The following ZNF577 variants were observed in gnomAD, a reference collection of about 807,000 sequenced individuals.
ZNF577 encodes the protein zinc finger protein 577.
ZNF577 carries 14 observed loss-of-function variants against 13.9 expected under a neutral mutation model. The ratio of observed to expected loss-of-function variants is 1.00; its 90% confidence interval spans 0.66 to 1.57. ZNF577 has a LOEUF of 1.57. Ranked by LOEUF, ZNF577 falls within the 40% of genes most tolerant of loss-of-function variation. The pLI, the probability that ZNF577 is intolerant of heterozygous loss-of-function variation, is 0.00. For missense variants in ZNF577, 555 were observed against 579.2 expected (o/e 0.96, Z 0.43); for synonymous variants, 203 against 202.9 (o/e 1.00, Z 0.00).
intron 10 of ZNF577, among the ~76,000 whole-genome samples, chr19:51,805,530 A>G (rs1025894226): frequency 6.6e-6 from 1 of 152,224 alleles, no homozygotes; most frequent in Non-Finnish European, 1.5e-5. Flanking sequence ...GTTATATTCT[A>G]AGTTGGTTAC....
chr19:51,879,262 G>GA (rs550021860), intron 3 of ZNF577, among the ~76,000 whole-genome samples: 194 of 133,576 alleles, frequency 1.5e-3, no homozygotes, highest in Admixed American at 3.7e-3. Context: ...GTCTCAAGAG[G>GA]AAAAAAAAAA....
intron 10 of ZNF577, among the ~76,000 whole-genome samples, chr19:51,807,611 G>A (rs1252192413): frequency 6.6e-6 from 1 of 152,214 alleles, no homozygotes. Context: ...ATGGCAGCAT[G>A]ACCTTTGGAA....
At chr19:51,826,675 TGATGCTGGCCACATG>T (rs1224143898) in intron 9 of ZNF577, among the ~76,000 whole-genome samples, 1 of 152,198 alleles carries the variant, frequency 6.6e-6, no homozygotes, top group Non-Finnish European at 1.5e-5. Context: ...GCAGTAAACA[TGATGCTGGCCACATG>T]GATGAACTGG....
At chr19:51,851,335 A>G (rs1190369681) in intron 5 of ZNF577, among the ~76,000 whole-genome samples, 4 of 152,214 alleles carry the variant, frequency 2.6e-5, no homozygotes, top group Non-Finnish European at 5.9e-5. Flanking sequence ...CACACAGCCA[A>G]TGAGTAGCAG....
Position 51,873,129 on chromosome 19 carries a change from T to C in ZNF577, c.861A>G (p.Ala287=). The change falls in exon 6 of 6, where the codon GCA becomes GCG. Residue 287 remains alanine (A), a synonymous_variant. Transcript: ENST00000638348. ...KAFSQKAYLT[A]HQRLHTGDKP... ...TATCTCCTGTGTGAAGTCTCTGGTG[T>C]GCAGTGAGGTATGCCTTCTGAGAAA... is the stretch of plus-strand genomic sequence containing the variant. 6.2e-7 allele frequency: 1 copy of C among 1,614,142 alleles called. No homozygotes were observed. Among genetic ancestry groups the C allele is most frequent in the Non-Finnish European group, 8.5e-7 (1 of 1,180,028 alleles).
At chr19:51,883,751 A>T (rs1012306156) in intron 1 of ZNF577, among the ~76,000 whole-genome samples, 1 of 152,286 alleles carries the variant, frequency 6.6e-6, no homozygotes, top group Admixed American at 6.5e-5. Context: ...ATCAGAAAAA[A>T]ACTGAATGTG....
At chr19:51,873,964 G>A (rs1026622612) in intron 5 of ZNF577, among the ~76,000 whole-genome samples, 3 of 152,158 alleles carry the variant, frequency 2.0e-5, no homozygotes, top group Non-Finnish European at 4.4e-5. Flanking sequence ...AAAATGCCAT[G>A]GTTTTGGCTG....
chr19:51,879,501 A>G (rs113819549), intron 3 of ZNF577, among the ~76,000 whole-genome samples: 33,795 of 151,910 alleles, frequency 0.22, 4,550 homozygotes, highest in South Asian at 0.41. Context: ...CCCAGGAGGC[A>G]GAGGTTGCAG....
intron 9 of ZNF577, among the ~76,000 whole-genome samples, chr19:51,834,245 T>TTTTA (rs895490596): frequency 7.2e-5 from 11 of 152,156 alleles, no homozygotes; most frequent in African/African-American, 2.7e-4. Flanking sequence ...GCCACACTCC[T>TTTTA]TTTATTTATT....
intron 10 of ZNF577, among the ~76,000 whole-genome samples, chr19:51,811,144 GAACTA>G (rs1431911102): frequency 6.6e-6 from 1 of 152,170 alleles, no homozygotes; most frequent in Non-Finnish European, 1.5e-5. Context: ...AGTACAGTAT[GAACTA>G]AACTCCAAGT....
chr19:51,821,349 C>T (rs1367823006), intron 9 of ZNF577, among the ~76,000 whole-genome samples: 3 of 152,146 alleles, frequency 2.0e-5, no homozygotes, highest in Non-Finnish European at 4.4e-5. Context: ...TTGCCTCCCA[C>T]GGGACCTTTG....
At chr19:51,866,404 C>A (rs985694409), downstream of ZNF577, among the ~76,000 whole-genome samples, 2 of 152,160 alleles carry the variant, frequency 1.3e-5, no homozygotes, top group African/African-American at 4.8e-5. Flanking sequence ...TAAGGAACCA[C>A]CCCCAGCTGA....
chr19:51,843,047 A>G (rs1303997769), intron 7 of ZNF577: 1 of 152,218 alleles, frequency 6.6e-6, no homozygotes, highest in African/African-American at 2.4e-5. Context: ...ACATATGGTC[A>G]CTGTACGATT....
At chr19:51,818,342 C>T (rs942526974) in intron 9 of ZNF577, among the ~76,000 whole-genome samples, 5 of 152,304 alleles carry the variant, frequency 3.3e-5, no homozygotes, top group African/African-American at 1.2e-4. Context: ...TCTGTTTACA[C>T]ATGGTTACCT....
At position 51,887,049 on chromosome 19, in the gene ZNF577, G is replaced by T. The variant is rs1260521739; in HGVS notation, c.-447C>A. On this transcript the variant is annotated 5_prime_UTR_variant, in exon 1 of 6. Transcript: ENST00000638348. ...GGAACAAAAAAGGAAAGGGGGAGGGGTCTTATGCAAAAAAAAAGTCACGAT... is the reference window on the plus strand; with the variant it reads ...GGAACAAAAAAGGAAAGGGGGAGGGTTCTTATGCAAAAAAAAAGTCACGAT... 1 of 150,562 alleles carries T rather than the reference G, an allele frequency of 6.6e-6. No homozygotes were observed. Among genetic ancestry groups the T allele is most frequent in the African/African-American group, 2.4e-5 (1 of 40,892 alleles). The allele number at this position is 150,562 out of a possible 1,614,324, so 9.3% of individuals were successfully genotyped here. A position where few individuals can be genotyped will look rare whatever the true frequency, so the allele number is the denominator to read the frequency against.
intron 4 of ZNF577, 60 bp downstream of exon 4, chr19:51,878,329 G>A: frequency 6.5e-7 from 1 of 1,545,432 alleles, no homozygotes; most frequent in Non-Finnish European, 8.8e-7. Flanking sequence ...ATATTTATGG[G>A]ACCGTACAGT....
At chr19:51,886,191 G>T (rs971688076) in intron 1 of ZNF577, 1 of 151,886 alleles carries the variant, frequency 6.6e-6, no homozygotes, top group Admixed American at 6.6e-5. Context: ...TGATTTTCAA[G>T]TATAATCACT....
intron 8 of ZNF577, among the ~76,000 whole-genome samples, chr19:51,842,368 C>G (rs8100040): frequency 0.11 from 16,590 of 152,116 alleles, 1,015 homozygotes; most frequent in African/African-American, 0.13. Context: ...AGGGCTCCAC[C>G]TCATGAGCAA....
At chr19:51,864,135 G>A (rs904009284), downstream of ZNF577, among the ~76,000 whole-genome samples, 3 of 152,070 alleles carry the variant, frequency 2.0e-5, no homozygotes, top group Non-Finnish European at 4.4e-5. Flanking sequence ...TAAATATTAT[G>A]GCATGAATAT....
Sources: gnomAD v4.1 joint callset for allele counts (sites outside exome capture counted in the v4.1 genomes callset) on GRCh38, gnomAD v4.1.1 for gene constraint, MANE v1.5 for transcripts, NCBI Gene and HGNC (gene_info 2026-07-23, HGNC 2026-07-21) for gene names.